The following ADARB2 variants were observed in gnomAD, a reference collection of about 807,000 sequenced individuals.
ADARB2 encodes inactive double-stranded RNA-specific editase B2.
ADARB2 carries 25 observed loss-of-function variants against 62.2 expected under a neutral mutation model. The observed-to-expected ratio is 0.40, with a 90% CI of 0.29 to 0.56. The LOEUF is 0.56. Among genes scored for constraint, ADARB2 ranks in the 20% least tolerant of loss-of-function variants. The pLI is 0.43. For synonymous variants in ADARB2, 572 were observed against 500.8 expected, an observed-to-expected ratio of 1.14 and a Z score of -1.90; for missense variants, 1,071 against 1,077.4, an observed-to-expected ratio of 0.99 and a Z score of 0.08.
intron 4 of ADARB2, among the ~76,000 whole-genome samples, chr10:1,261,613 C>G (rs975060948): frequency 2.0e-5 from 3 of 148,782 alleles, no homozygotes; most frequent in Non-Finnish European, 4.4e-5. Context: ...CCATCTCACA[C>G]CAGGCAATCA....
chr10:1,650,031 A>G (rs1260588201), intron 1 of ADARB2, among the ~76,000 whole-genome samples: 1 of 152,156 alleles, frequency 6.6e-6, no homozygotes, highest in Non-Finnish European at 1.5e-5. Flanking sequence ...CCCTCCCTGA[A>G]GGTCTTCCCA....
At chr10:1,247,626 G>A (rs1024786821) in intron 4 of ADARB2, among the ~76,000 whole-genome samples, 3 of 152,206 alleles carry the variant, frequency 2.0e-5, no homozygotes, top group African/African-American at 7.2e-5. Context: ...GCATAGTGAG[G>A]TGGAGAACAG....
At chr10:1,654,938 A>T (rs916876323) in intron 1 of ADARB2, among the ~76,000 whole-genome samples, 1 of 152,210 alleles carries the variant, frequency 6.6e-6, no homozygotes, top group Non-Finnish European at 1.5e-5. Context: ...TGGCCAGCCC[A>T]CGAGAGCTGG....
intron 1 of ADARB2, among the ~76,000 whole-genome samples, chr10:1,626,857 C>T (rs967136418): frequency 6.6e-6 from 1 of 152,174 alleles, no homozygotes. Flanking sequence ...GTTACTTTTG[C>T]ACCAACCTAA....
chr10:1,470,922 G>A (rs527253277), intron 1 of ADARB2, among the ~76,000 whole-genome samples: 88 of 152,284 alleles, frequency 5.8e-4, no homozygotes, highest in African/African-American at 2.0e-3. Flanking sequence ...AGCCGGGCAT[G>A]GTGGCAGGTG....
intron 1 of ADARB2, among the ~76,000 whole-genome samples, chr10:1,690,679 C>G (rs972378037): frequency 1.4e-4 from 21 of 152,184 alleles, no homozygotes; most frequent in Admixed American, 8.5e-4. Context: ...GAGCACTGCC[C>G]TGCTTTGCAC....
intron 1 of ADARB2, among the ~76,000 whole-genome samples, chr10:1,446,741 C>T (rs962304392): frequency 7.2e-5 from 11 of 152,182 alleles, no homozygotes; most frequent in Admixed American, 3.9e-4. Flanking sequence ...ACAGTTAAAA[C>T]GTTCTTGTAT....
intron 1 of ADARB2, among the ~76,000 whole-genome samples, chr10:1,462,793 A>G (rs1831194974): frequency 6.6e-6 from 1 of 151,118 alleles, no homozygotes; most frequent in African/African-American, 2.4e-5. Flanking sequence ...ACGTGTGTGC[A>G]TGTGTATGTA....
intron 1 of ADARB2, among the ~76,000 whole-genome samples, chr10:1,615,910 T>G (rs1008258643): frequency 6.6e-6 from 1 of 152,216 alleles, no homozygotes; most frequent in Admixed American, 6.5e-5. Flanking sequence ...GTTCATTGCA[T>G]TTGTCAATGG....
At chr10:1,603,288 G>A (rs983438118) in intron 1 of ADARB2, among the ~76,000 whole-genome samples, 5 of 152,184 alleles carry the variant, frequency 3.3e-5, no homozygotes, top group Non-Finnish European at 7.3e-5. Context: ...TGTCAGGGAC[G>A]GCCATGGCTA....
chr10:1,673,689 T>C (rs888486869), intron 1 of ADARB2, among the ~76,000 whole-genome samples: 4 of 152,078 alleles, frequency 2.6e-5, no homozygotes, highest in Admixed American at 2.6e-4. Context: ...AAAGGGCGAA[T>C]CCCTCCAATG....
In ADARB2 at chr10:1,623,809, C is replaced by A. The variant is rs117906270; in HGVS notation, c.100+113242G>T. ...TAATGTTCATAGAGCTTATTAGAGA[C>A]CCACAGCATTTAATCCTCAAACAGC... is the stretch of plus-strand genomic sequence containing the variant. On this transcript the variant is annotated intron_variant, in intron 1 of 9. Transcript: ENST00000381312. Among the ~76,000 whole-genome samples, 35 of 152,356 alleles carry A rather than the reference C, an allele frequency of 2.3e-4. 1 individual carries two copies. The East Asian group carries it at 6.7e-3, about 29-fold the overall frequency.
chr10:1,242,057 G>A, intron 5 of ADARB2, 74 bp downstream of exon 5: 1 of 1,481,742 alleles, frequency 6.7e-7, no homozygotes, highest in South Asian at 1.3e-5. Context: ...AGCCAGGCAT[G>A]GGGCCCCATC....
chr10:1,540,218 A>G (rs963700797), intron 1 of ADARB2, among the ~76,000 whole-genome samples: 6 of 151,942 alleles, frequency 3.9e-5, no homozygotes, highest in African/African-American at 1.2e-4. Flanking sequence ...CCTAAAGGGC[A>G]GCCCGTGGGT....
At chr10:1,513,912 G>A (rs1831971144) in intron 1 of ADARB2, among the ~76,000 whole-genome samples, 1 of 151,872 alleles carries the variant, frequency 6.6e-6, no homozygotes, top group Non-Finnish European at 1.5e-5. Flanking sequence ...TCTAAATGAA[G>A]CTGTGTATAA....
chr10:1,680,694 A>G (rs1036756884), intron 1 of ADARB2, among the ~76,000 whole-genome samples: 2 of 152,124 alleles, frequency 1.3e-5, no homozygotes, highest in African/African-American at 4.8e-5. Context: ...CTCCTCCCAA[A>G]TCTTCAGGAC....
At chr10:1,271,643 GAC>G (rs964202655) in intron 3 of ADARB2, among the ~76,000 whole-genome samples, 3 of 151,990 alleles carry the variant, frequency 2.0e-5, no homozygotes, top group Non-Finnish European at 2.9e-5. Context: ...CACACACACA[GAC>G]ACACACATAC....
At chr10:1,625,016 T>A (rs1052559566) in intron 1 of ADARB2, among the ~76,000 whole-genome samples, 3 of 152,244 alleles carry the variant, frequency 2.0e-5, no homozygotes, top group African/African-American at 7.2e-5. Context: ...TAACACAGGT[T>A]TCTCCTACTG....
At chr10:1,410,569 G>A (rs891040353) in intron 1 of ADARB2, among the ~76,000 whole-genome samples, 2 of 152,198 alleles carry the variant, frequency 1.3e-5, no homozygotes, top group Non-Finnish European at 2.9e-5. Context: ...GAAAATGGCT[G>A]CTGCTCTAGA....
Sources: gnomAD v4.1 joint callset for allele counts (sites outside exome capture counted in the v4.1 genomes callset) on GRCh38, gnomAD v4.1.1 for gene constraint, MANE v1.5 for transcripts, NCBI Gene and HGNC (gene_info 2026-07-23, HGNC 2026-07-21) for gene names.